C8orf34: variants seen among roughly 807,000 people sequenced by gnomAD.
The protein encoded by C8orf34 is chromosome 8 open reading frame 34.
C8orf34 carries 65 observed loss-of-function variants against 68.3 expected under a neutral mutation model. The ratio of observed to expected loss-of-function variants is 0.95; its 90% CI spans 0.78 to 1.17. The LOEUF (loss-of-function observed/expected upper bound fraction) is 1.17. Among genes scored for constraint, C8orf34 ranks in the 50% most tolerant of loss-of-function variants. The pLI is 0.00. For synonymous variants in C8orf34, 244 were observed against 241.2 expected (o/e 1.01, Z -0.11); for missense variants, 664 against 655.4 (o/e 1.01, Z -0.14).
At chr8:68,573,046 A>T (rs1016906435) in intron 7 of C8orf34, among the ~76,000 whole-genome samples, 1 of 151,876 alleles carries the variant, frequency 6.6e-6, no homozygotes, top group South Asian at 2.1e-4. Flanking sequence ...CAACTACTCC[A>T]CAGTGCCCTG....
At position 68,535,027 on chromosome 8, in the gene C8orf34, G is replaced by A. The variant is rs1237263109; in HGVS notation, c.1105+1878G>A. The A allele has an allele frequency of 6.1e-6, 6 of 985,268 alleles. No homozygotes were observed. The South Asian group carries it at 1.4e-4, about 23-fold the overall frequency. 61.0% of individuals were successfully genotyped at this position (985,268 alleles called of 1,614,324 possible). On this transcript the variant is annotated intron_variant, in intron 7 of 13. Transcript: ENST00000518698. ...CCACATATCTCAGCACAGGTGGCAA[G>A]CAGTGTAATAATGTTGGTCTCTAGG...
At chr8:68,557,470 G>A (rs1816289438) in intron 7 of C8orf34, among the ~76,000 whole-genome samples, 1 of 152,060 alleles carries the variant, frequency 6.6e-6, no homozygotes, top group African/African-American at 2.4e-5. Context: ...ACAATAATGA[G>A]GCTACTTATC....
At chr8:68,494,652 C>T (rs148441573) in intron 5 of C8orf34, among the ~76,000 whole-genome samples, 61 of 152,028 alleles carry the variant, frequency 4.0e-4, no homozygotes, top group African/African-American at 1.3e-3. Context: ...GTCAGGAGTT[C>T]GAGACCAGCT....
chr8:68,347,178 T>G (rs1806318486), intron 1 of C8orf34, among the ~76,000 whole-genome samples: 3 of 152,178 alleles, frequency 2.0e-5, no homozygotes, highest in Admixed American at 6.6e-5. Context: ...AAGTTCTTAT[T>G]ATTTAGCTCC....
At chr8:68,472,666 G>A (rs148218071) in intron 4 of C8orf34, among the ~76,000 whole-genome samples, 1 of 152,176 alleles carries the variant, frequency 6.6e-6, no homozygotes, top group East Asian at 1.9e-4. Context: ...AGTAATGTTT[G>A]CCAGGTATAC....
intron 1 of C8orf34, among the ~76,000 whole-genome samples, chr8:68,351,576 C>T (rs1375248535): frequency 6.6e-6 from 1 of 152,056 alleles, no homozygotes; most frequent in African/African-American, 2.4e-5. Context: ...GTTTTCTCTC[C>T]CTCCCTTTCA....
intron 11 of C8orf34, among the ~76,000 whole-genome samples, chr8:68,784,451 CT>C (rs1334945643): frequency 6.6e-6 from 1 of 152,254 alleles, no homozygotes; most frequent in Admixed American, 6.5e-5. Flanking sequence ...TGTAAAGTTA[CT>C]TTTATCCTTT....
At chr8:68,510,332 C>T (rs1254988395) in intron 5 of C8orf34, among the ~76,000 whole-genome samples, 1 of 152,112 alleles carries the variant, frequency 6.6e-6, no homozygotes, top group Non-Finnish European at 1.5e-5. Flanking sequence ...TGGTTAGCTC[C>T]CTTGGTCTTA....
rs571008727 is a variant in C8orf34 at position 68,725,133 on chromosome 8, C to T, written c.1404+3696C>T. Among the ~76,000 whole-genome samples the T allele has an allele frequency of 3.3e-5, 5 of 152,252 alleles. No homozygotes were observed. In the East Asian group the frequency reaches 9.7e-4, roughly 29 times the overall value. On this transcript the variant is annotated intron_variant, in intron 10 of 13. Coordinates refer to ENST00000518698, the MANE Select transcript of C8orf34 (RefSeq NM_052958.4). Reference sequence around the variant, plus strand: ...CCTCCTTCCTCGGCCACCTAAAATGCTGGGATTACAGGAATGAGCTTCCTT... The same window carrying T: ...CCTCCTTCCTCGGCCACCTAAAATGTTGGGATTACAGGAATGAGCTTCCTT...
chr8:68,448,024 T>C (rs898054081), intron 3 of C8orf34: 6 of 152,214 alleles, frequency 3.9e-5, no homozygotes, highest in Non-Finnish European at 8.8e-5. Context: ...AAAGTCTCAG[T>C]ATCCCTTTTC....
rs192601640 is a variant in C8orf34 at position 68,514,446 on chromosome 8, G to A, written c.766-7353G>A. On this transcript the variant is annotated intron_variant, in intron 5 of 13. Transcript: ENST00000518698. ...GCAAGGCAACCAGGGATCTGTCAAC[G>A]TGTACAGGGCAGCTGCTTGCATCAG... Among the ~76,000 whole-genome samples the A allele has an allele frequency of 2.3e-3, 356 of 152,318 alleles. 1 individual carries two copies. The highest frequency in any genetic ancestry group is 4.4e-3 in the Non-Finnish European group (298 of 68,030).
chr8:68,488,501 G>C (rs1425121849), intron 5 of C8orf34, among the ~76,000 whole-genome samples: 1 of 152,060 alleles, frequency 6.6e-6, no homozygotes, highest in South Asian at 2.1e-4. Flanking sequence ...TTGAAGTGGG[G>C]TAGTAGTTAT....
intron 1 of C8orf34, among the ~76,000 whole-genome samples, chr8:68,345,869 T>C (rs1034835574): frequency 6.6e-6 from 1 of 152,072 alleles, no homozygotes; most frequent in African/African-American, 2.4e-5. Flanking sequence ...GAAAAAAATT[T>C]ACCATGATTT....
chr8:68,782,797 C>T (rs568358262), intron 11 of C8orf34, among the ~76,000 whole-genome samples: 6 of 152,164 alleles, frequency 3.9e-5, no homozygotes, highest in African/African-American at 7.2e-5. Context: ...GTGGCTCACG[C>T]CTGTAATCCC....
chr8:68,402,501 T>C (rs979703313), intron 1 of C8orf34, among the ~76,000 whole-genome samples: 4 of 152,154 alleles, frequency 2.6e-5, no homozygotes, highest in African/African-American at 9.7e-5. Context: ...CATTAGGTTG[T>C]TAATTTGTGA....
intron 3 of C8orf34, among the ~76,000 whole-genome samples, chr8:68,459,889 C>T (rs1423767826): frequency 6.6e-6 from 1 of 152,162 alleles, no homozygotes; most frequent in African/African-American, 2.4e-5. Context: ...TTCTGCATTT[C>T]CATCAGAGGT....
chr8:68,699,458 C>T (rs778044637), intron 8 of C8orf34, among the ~76,000 whole-genome samples: 20 of 152,020 alleles, frequency 1.3e-4, no homozygotes, highest in Admixed American at 3.9e-4. Flanking sequence ...GAACATAATC[C>T]TTTCTTTGGG....
chr8:68,812,606 A>T (rs1423500925), intron 12 of C8orf34, among the ~76,000 whole-genome samples: 1 of 152,152 alleles, frequency 6.6e-6, no homozygotes, highest in Admixed American at 6.5e-5. Flanking sequence ...AATTATAAAA[A>T]ATTAGCCTAT....
rs77135985 is a variant in C8orf34 at position 68,384,986 on chromosome 8, C to T, written c.327+53647C>T. 4.1e-3 allele frequency among the ~76,000 whole-genome samples: 627 copies of T among 152,152 alleles called. 3 individuals carry two copies. Among genetic ancestry groups the T allele is most frequent in the African/African-American group, 0.014 (594 of 41,510 alleles). On this transcript the variant is annotated intron_variant, in intron 1 of 13. Coordinates refer to ENST00000518698, the MANE Select transcript of C8orf34 (RefSeq NM_052958.4). ...TTCTTGATTAAGAAGAAGCTGAAAA[C>T]GAAGGAACGAAAAAAATATGCAATA...
Sources: gnomAD v4.1 joint callset for allele counts (sites outside exome capture counted in the v4.1 genomes callset) on GRCh38, gnomAD v4.1.1 for gene constraint, MANE v1.5 for transcripts, NCBI Gene and HGNC (gene_info 2026-07-23, HGNC 2026-07-21) for gene names.